The following AKT3 variants were observed in gnomAD, a reference collection of about 807,000 sequenced individuals.
AKT3 encodes the protein AKT serine/threonine kinase 3, also known as RAC-gamma serine/threonine-protein kinase.
In AKT3, 15 loss-of-function variants were observed where a neutral mutation model predicts 65.3. The ratio of observed to expected loss-of-function variants is 0.23; its 90% confidence interval spans 0.15 to 0.35. AKT3 has a LOEUF of 0.35. AKT3 is among the 10% of genes least tolerant of loss of function. AKT3 has a pLI of 1.00. For missense variants in AKT3, 243 were observed against 576.5 expected (o/e 0.42, Z 5.92); for synonymous variants, 206 against 183.8 (o/e 1.12, Z -0.98).
At chr1:243,620,775 T>C (rs1363826573) in intron 6 of AKT3, among the ~76,000 whole-genome samples, 2 of 152,138 alleles carry the variant, frequency 1.3e-5, no homozygotes, top group Admixed American at 1.3e-4. Context: ...TTCTCGAGTA[T>C]TGTGTTTGAT....
intron 2 of AKT3, among the ~76,000 whole-genome samples, chr1:243,829,399 T>C (rs1335565158): frequency 6.6e-6 from 1 of 152,116 alleles, no homozygotes; most frequent in Admixed American, 6.6e-5. Context: ...GTCTGACATA[T>C]TAAACTACTT....
intron 2 of AKT3, chr1:243,740,860 T>C (rs1688111118): frequency 6.6e-6 from 1 of 152,188 alleles, no homozygotes; most frequent in African/African-American, 2.4e-5. Flanking sequence ...TCTGGTATTG[T>C]ACAAAGGCCA....
intron 8 of AKT3, among the ~76,000 whole-genome samples, chr1:243,597,193 GTTCAT>G (rs904407952): frequency 4.6e-5 from 7 of 152,138 alleles, no homozygotes; most frequent in Admixed American, 2.6e-4. Flanking sequence ...CTTAAAATGA[GTTCAT>G]TTCATTATAT....
chr1:243,682,171 T>C (rs760180624), intron 3 of AKT3, among the ~76,000 whole-genome samples: 1 of 151,960 alleles, frequency 6.6e-6, no homozygotes, highest in Non-Finnish European at 1.5e-5. Flanking sequence ...AATCTATACG[T>C]TTAATAAGGT....
chr1:243,632,702 T>C (rs1169190344), intron 6 of AKT3, among the ~76,000 whole-genome samples: 1 of 152,190 alleles, frequency 6.6e-6, no homozygotes, highest in Non-Finnish European at 1.5e-5. Flanking sequence ...TGTGGTTTCG[T>C]GTAGTCATCT....
intron 10 of AKT3, among the ~76,000 whole-genome samples, chr1:243,553,318 C>A (rs1459144703): frequency 6.6e-6 from 1 of 152,172 alleles, no homozygotes; most frequent in Non-Finnish European, 1.5e-5. Context: ...AGTAACAACT[C>A]AGAGCTAGGG....
At chr1:243,723,898 G>A (rs976527280) in intron 2 of AKT3, among the ~76,000 whole-genome samples, 17 of 152,154 alleles carry the variant, frequency 1.1e-4, no homozygotes, top group African/African-American at 4.1e-4. Context: ...CAGCCTGAGA[G>A]ACAGAGTAAT....
intron 2 of AKT3, among the ~76,000 whole-genome samples, chr1:243,817,392 G>T (rs1268030681): frequency 6.6e-6 from 1 of 152,230 alleles, no homozygotes; most frequent in Admixed American, 6.5e-5. Context: ...AATAATATCT[G>T]TAGTCTGTAG....
chr1:243,523,106 C>T (rs1351239326), intron 12 of AKT3, among the ~76,000 whole-genome samples: 1 of 152,096 alleles, frequency 6.6e-6, no homozygotes. Context: ...CTATGTTCTG[C>T]AAGGAAGCTA....
At chr1:243,811,988 G>C (rs1359634061) in intron 2 of AKT3, among the ~76,000 whole-genome samples, 2 of 152,130 alleles carry the variant, frequency 1.3e-5, no homozygotes, top group African/African-American at 4.8e-5. Context: ...GCTGAAACTG[G>C]ATCCCTTCCT....
Position 243,804,727 on chromosome 1 carries a change from G to C in AKT3, c.46+38398C>G, listed in dbSNP as rs550272250. ...CCGGGCGTGGTGGCAGGCACCTGTA[G>C]TCCCAGCTACTCAGGAGGCTGAGGC... On this transcript the variant is annotated intron_variant, in intron 2 of 13. Coordinates refer to ENST00000673466, the MANE Select transcript of AKT3 (RefSeq NM_005465.7). 1.5e-3 allele frequency among the ~76,000 whole-genome samples: 229 copies of C among 151,968 alleles called. 1 individual carries two copies. The highest frequency in any genetic ancestry group is 5.3e-3 in the African/African-American group (221 of 41,458).
intron 10 of AKT3, among the ~76,000 whole-genome samples, chr1:243,561,582 T>C (rs1673779773): frequency 1.3e-5 from 2 of 152,186 alleles, no homozygotes; most frequent in African/African-American, 2.4e-5. Context: ...TTATTCCAAA[T>C]GTTAAATGAA....
intron 5 of AKT3, among the ~76,000 whole-genome samples, chr1:243,640,311 G>A (rs1680277792): frequency 6.6e-6 from 1 of 152,158 alleles, no homozygotes; most frequent in African/African-American, 2.4e-5. Context: ...AGCTATTTGT[G>A]CTAGGTAGTC....
chr1:243,676,862 A>G (rs527706404), intron 3 of AKT3, among the ~76,000 whole-genome samples: 1 of 152,272 alleles, frequency 6.6e-6, no homozygotes, highest in Non-Finnish European at 1.5e-5. Flanking sequence ...ATGACCTCTT[A>G]GGTGGTCTCC....
intron 6 of AKT3, among the ~76,000 whole-genome samples, chr1:243,623,783 G>A (rs1452213479): frequency 6.6e-6 from 1 of 152,120 alleles, no homozygotes; most frequent in Non-Finnish European, 1.5e-5. Context: ...GCCTGTCTTG[G>A]GAATTTTCAA....
intron 2 of AKT3, among the ~76,000 whole-genome samples, chr1:243,733,430 T>C (rs1025947054): frequency 6.6e-6 from 1 of 152,218 alleles, no homozygotes; most frequent in Non-Finnish European, 1.5e-5. Flanking sequence ...AATGGAATAC[T>C]ATACAGCAGC....
downstream of AKT3, among the ~76,000 whole-genome samples, chr1:243,495,456 G>GT (rs1259173753): frequency 6.6e-6 from 1 of 152,208 alleles, no homozygotes; most frequent in Non-Finnish European, 1.5e-5. Flanking sequence ...TGTGGAGGCT[G>GT]TTATCAGGGG....
chr1:243,504,679 A>G lies in AKT3; in HGVS notation c.*570T>C, dbSNP rs1311117189. 1 of 178,412 alleles carries G rather than the reference A, an allele frequency of 5.6e-6. No homozygotes were observed. The highest frequency in any genetic ancestry group is 2.4e-5 in the African/African-American group (1 of 42,206). The allele number at this position is 178,412 out of a possible 1,614,324, so 11.1% of individuals were successfully genotyped here. ...ATCCCAACAGTTGTTCAGTCCTTCT[A>G]CCAAATGCTTCCTAATCAATTCCAG... On this transcript the variant is annotated 3_prime_UTR_variant, in exon 14 of 14. Coordinates refer to ENST00000673466, the MANE Select transcript of AKT3 (RefSeq NM_005465.7).
At chr1:243,707,663 C>T (rs1685887297) in intron 2 of AKT3, among the ~76,000 whole-genome samples, 1 of 152,090 alleles carries the variant, frequency 6.6e-6, no homozygotes, top group Non-Finnish European at 1.5e-5. Flanking sequence ...CATGGATATA[C>T]AGCATGATGC....
Sources: allele counts gnomAD v4.1 joint callset (sites outside exome capture counted in the v4.1 genomes callset), GRCh38; gene constraint gnomAD v4.1.1; transcripts MANE v1.5; gene names NCBI Gene and HGNC (gene_info 2026-07-23, HGNC 2026-07-21).